The following GLRB variants were observed in gnomAD, a reference collection of about 807,000 sequenced individuals.
GLRB encodes glycine receptor subunit beta.
In GLRB, 33 loss-of-function variants were observed where a neutral mutation model predicts 54.2. The ratio of observed to expected loss-of-function variants is 0.61; its 90% CI spans 0.46 to 0.81. The LOEUF (loss-of-function observed/expected upper bound fraction) is 0.81. GLRB is among the 40% of genes least tolerant of loss of function. GLRB has a pLI of 0.00. For missense variants in GLRB, 572 were observed against 584.6 expected, an observed-to-expected ratio of 0.98 and a Z score of 0.22; for synonymous variants, 209 against 208.2, an observed-to-expected ratio of 1.00 and a Z score of -0.03.
At chr4:157,160,339 C>G (rs1579252197) in intron 9 of GLRB, among the ~76,000 whole-genome samples, 1 of 151,990 alleles carries the variant, frequency 6.6e-6, no homozygotes, top group Admixed American at 6.6e-5. Flanking sequence ...TCCTTCAGTT[C>G]TGCTGTGATC....
At chr4:157,115,817 T>A (rs1486300403) in intron 2 of GLRB, among the ~76,000 whole-genome samples, 3 of 151,946 alleles carry the variant, frequency 2.0e-5, no homozygotes, top group African/African-American at 7.2e-5. Flanking sequence ...CCCTTGTGTC[T>A]GTGGCTTTGT....
rs1340852493 is a variant in GLRB, at chr4:157,098,699, T to C, written c.122+20553T>C. On this transcript the variant is annotated intron_variant, in intron 2 of 9. Transcript: ENST00000264428. Reference sequence around the variant, plus strand: ...CTCGGCTCAGCAACCTCCACCTCCCTGGTTCAAGCAATTCCCCTGCCTCAG... The same window carrying C: ...CTCGGCTCAGCAACCTCCACCTCCCCGGTTCAAGCAATTCCCCTGCCTCAG... Among the ~76,000 whole-genome samples, 3 of 151,846 alleles carry C rather than the reference T, an allele frequency of 2.0e-5. No individual in the cohort carries two copies. The East Asian group carries it at 5.8e-4, about 29-fold the overall frequency.
chr4:157,102,820 T>C (rs1414973472), intron 2 of GLRB, among the ~76,000 whole-genome samples: 1 of 152,148 alleles, frequency 6.6e-6, no homozygotes, highest in East Asian at 1.9e-4. Context: ...ATGTTCACCT[T>C]GGGGCGGAGA....
chr4:157,143,763 T>C (rs1475034392), intron 7 of GLRB, 44 bp from the exon 8 acceptor site: 5 of 1,584,252 alleles, frequency 3.2e-6, no homozygotes, highest in Non-Finnish European at 4.3e-6. Context: ...TGCCATTCTG[T>C]GTGGGTGAAA....
In GLRB at chr4:157,077,998, C is replaced by A. The variant is rs200849834; in HGVS notation, c.-27C>A. ...CATTTTCTTGTTCTCTCTTGTAGAT[C>A]GATCTTCTGAAATTCAAGTTTTCAA... On this transcript the variant is annotated splice_region_variant and 5_prime_UTR_variant, in exon 2 of 10. Coordinates refer to ENST00000264428, the MANE Select transcript of GLRB (RefSeq NM_000824.5). 1.1e-5 allele frequency: 17 copies of A among 1,584,084 alleles called. No homozygotes were observed. In the African/African-American group the frequency reaches 1.5e-4, roughly 14 times the overall value.
At chr4:157,144,202 TG>T (rs1330680302) in intron 8 of GLRB, among the ~76,000 whole-genome samples, 13 of 152,224 alleles carry the variant, frequency 8.5e-5, no homozygotes, top group Admixed American at 7.2e-4. Flanking sequence ...TCTATTTTTC[TG>T]TCATGAAATA....
At chr4:157,112,571 AG>A in intron 2 of GLRB, among the ~76,000 whole-genome samples, 1 of 151,936 alleles carries the variant, frequency 6.6e-6, no homozygotes, top group Non-Finnish European at 1.5e-5. Flanking sequence ...GCATGAAAAA[AG>A]GGATTACTTT....
In GLRB at chr4:157,138,870, A is replaced by G. The variant is rs1468156478; in HGVS notation, c.672A>G (p.Glu224=). The G allele has an allele frequency of 6.5e-7, 1 of 1,545,576 alleles. No homozygotes were observed. Among genetic ancestry groups the G allele is most frequent in the Non-Finnish European group, 8.9e-7 (1 of 1,118,384 alleles). The change falls in exon 7 of 10, where the codon GAA becomes GAG. Residue 224 remains glutamate (E), a synonymous_variant. Transcript: ENST00000264428. ...AGTCAGGAGATCCTGTGCAATTAGA[A>G]AAAATTGCCTTGCCTCAATTTGATA... ...IWQSGDPVQL[E]KIALPQFDIK...
intron 2 of GLRB, among the ~76,000 whole-genome samples, chr4:157,089,038 A>C (rs1734512956): frequency 6.6e-6 from 1 of 152,202 alleles, no homozygotes; most frequent in South Asian, 2.1e-4. Flanking sequence ...AACAAATGAA[A>C]CAATATGTAC....
chr4:157,086,529 G>A (rs144959117), intron 2 of GLRB, among the ~76,000 whole-genome samples: 2,697 of 152,266 alleles, frequency 0.018, 59 homozygotes, highest in African/African-American at 0.059. Context: ...GTATTTACAC[G>A]AATGTGAAAG....
chr4:157,168,289 G>A (rs1484054801), intron 9 of GLRB, among the ~76,000 whole-genome samples: 1 of 152,144 alleles, frequency 6.6e-6, no homozygotes, highest in Non-Finnish European at 1.5e-5. Context: ...GTGAGGGGGT[G>A]CAGACAAGAA....
At chr4:157,095,328 T>G (rs539506791) in intron 2 of GLRB, among the ~76,000 whole-genome samples, 2 of 152,050 alleles carry the variant, frequency 1.3e-5, no homozygotes, top group African/African-American at 2.4e-5. Flanking sequence ...AAAAGGTTTT[T>G]ATTTACTGAG....
chr4:157,154,300 G>C (rs963523355), intron 9 of GLRB, among the ~76,000 whole-genome samples: 1 of 151,512 alleles, frequency 6.6e-6, no homozygotes, highest in African/African-American at 2.4e-5. Flanking sequence ...ATTCTCTTAT[G>C]TTTGAATTGG....
At position 157,170,639 on chromosome 4, in the gene GLRB, G is replaced by C; in HGVS notation, c.1405G>C (p.Ala469Pro). Residue 469 changes from alanine (A) to proline (P), a missense_variant, in exon 10 of 10, where the codon GCA becomes CCA. Physicochemically the swap from Ala to Pro is conservative, Grantham distance 27. Coordinates refer to ENST00000264428, the MANE Select transcript of GLRB (RefSeq NM_000824.5). ...CCCTGCGAAACCTGTTATTCCAACA[G>C]CAGCAAAGCGAATTGATCTTTATGC... Reference protein sequence around the residue: ...PPPAKPVIPTAAKRIDLYARA... With the variant: ...PPPAKPVIPTPAKRIDLYARA... 4 of 1,611,220 alleles carry C rather than the reference G, an allele frequency of 2.5e-6. No homozygotes were observed. Among genetic ancestry groups the C allele is most frequent in the Non-Finnish European group, 3.4e-6 (4 of 1,177,892 alleles).
rs1284366505 is a variant in GLRB at position 157,076,575 on chromosome 4, AG to A, written c.-30+280del. On this transcript the variant is annotated intron_variant, in intron 1 of 9. Transcript: ENST00000264428. ...AGGGCCGGGGTAATTAGGAAACGCA[AG>A]GTTGGCCAGGAGGGCTCCTTGCGTT... 2.0e-5 allele frequency: 3 copies of A among 152,058 alleles called. No individual in the cohort carries two copies. The South Asian group carries it at 6.2e-4, about 32-fold the overall frequency. 9.4% of individuals were successfully genotyped at this position (152,058 alleles called of 1,614,324 possible). A position where few individuals can be genotyped will look rare whatever the true frequency, so the allele number is the denominator to read the frequency against.
chr4:157,158,014 T>A (rs560477544), intron 9 of GLRB, among the ~76,000 whole-genome samples: 1 of 152,316 alleles, frequency 6.6e-6, no homozygotes, highest in Admixed American at 6.5e-5. Context: ...TTTCCTGACT[T>A]TAATGATCAC....
At position 157,170,325 on chromosome 4, in the gene GLRB, A is replaced by C. The variant is rs1288382192; in HGVS notation, c.1198-107A>C. 3 of 691,674 alleles carry C rather than the reference A, an allele frequency of 4.3e-6. No individual in the cohort carries two copies. In the African/African-American group the frequency reaches 5.4e-5, roughly 12 times the overall value. 42.8% of individuals were successfully genotyped at this position (691,674 alleles called of 1,614,324 possible). ...CTCTCTGTTAGTTCTTTGTGACATA[A>C]GCAAATGCTTCTTGTAGAAACTAGC... On this transcript the variant is annotated intron_variant, in intron 9 of 9. Coordinates refer to ENST00000264428, the MANE Select transcript of GLRB (RefSeq NM_000824.5).
chr4:157,144,813 G>C (rs1736748001), intron 8 of GLRB, among the ~76,000 whole-genome samples: 1 of 152,014 alleles, frequency 6.6e-6, no homozygotes, highest in African/African-American at 2.4e-5. Flanking sequence ...ACTTACTGGA[G>C]GAATTAAATG....
At chr4:157,147,469 G>C (rs1579239498) in intron 8 of GLRB, among the ~76,000 whole-genome samples, 1 of 152,106 alleles carries the variant, frequency 6.6e-6, no homozygotes, top group Non-Finnish European at 1.5e-5. Context: ...GAAGATGAGG[G>C]GGGGATTGGA....
Sources: gnomAD v4.1 joint callset for allele counts (sites outside exome capture counted in the v4.1 genomes callset) on GRCh38, gnomAD v4.1.1 for gene constraint, MANE v1.5 for transcripts, NCBI Gene and HGNC (gene_info 2026-07-23, HGNC 2026-07-21) for gene names.